Variants in REV3L observed in about 807,000 individuals in gnomAD.
REV3L encodes REV3 like, DNA directed polymerase zeta catalytic subunit.
In REV3L, 69 loss-of-function variants were observed where a neutral mutation model predicts 299.4. That is an observed-to-expected ratio of 0.23 (90% CI 0.19 to 0.28). REV3L has a LOEUF of 0.28. REV3L is among the 10% of genes least tolerant of loss of function. REV3L has a pLI of 1.00. For synonymous variants in REV3L, 1,238 were observed against 1,271.4 expected, an observed-to-expected ratio of 0.97 and a Z score of 0.56; for missense variants, 3,128 against 3,693.8, an observed-to-expected ratio of 0.85 and a Z score of 3.97.
Position 111,375,021 on chromosome 6 carries a change from A to C in REV3L, c.3334T>G (p.Phe1112Val). 1.2e-6 allele frequency: 2 copies of C among 1,613,724 alleles called. No individual in the cohort carries two copies. The highest frequency in any genetic ancestry group is 1.7e-6 in the Non-Finnish European group (2 of 1,179,866). ...NYSDVMSKLG[F>V]LSERSTSPIN... ...GGACTTGTGCTTCTCTCAGAAAGAA[A>C]ACCTAGTTTAGACATAACATCACTA... The change falls in exon 13 of 32, where the codon TTT becomes GTT. Residue 1112 changes from phenylalanine (F) to valine (V), a missense_variant. Physicochemically the swap from Phe to Val is conservative, Grantham distance 50. Around this residue, in one of 9 missense-constraint regions of REV3L, gnomAD observed 2,409 missense variants for 2,611.8 expected, o/e 0.92. Coordinates refer to ENST00000368802, the MANE Select transcript of REV3L (RefSeq NM_001372078.1).
intron 31 of REV3L, among the ~76,000 whole-genome samples, chr6:111,303,187 TG>T (rs1262991618): frequency 6.9e-6 from 1 of 144,102 alleles, no homozygotes; most frequent in African/African-American, 2.6e-5. Flanking sequence ...TTTTTTGAGA[TG>T]AGAGAGAGCG....
At chr6:111,399,950 T>G (rs1782921608) in intron 4 of REV3L, among the ~76,000 whole-genome samples, 1 of 152,190 alleles carries the variant, frequency 6.6e-6, no homozygotes, top group African/African-American at 2.4e-5. Context: ...CCCTAACAAC[T>G]AATAGTCCAT....
chr6:111,418,028 G>A (rs1002765702), intron 1 of REV3L, among the ~76,000 whole-genome samples: 2 of 152,112 alleles, frequency 1.3e-5, no homozygotes, highest in African/African-American at 4.8e-5. Flanking sequence ...AGTCTTAATA[G>A]ATTTAATCAA....
rs398066168 is a variant in REV3L, at chr6:111,314,849, CT to C, written c.8466+417del. Among the ~76,000 whole-genome samples, 845 of 132,548 alleles carry C rather than the reference CT, an allele frequency of 6.4e-3. 4 individuals carry two copies. The highest frequency in any genetic ancestry group is 8.2e-3 in the Admixed American group (105 of 12,882). The allele number at this position is 132,548 out of a possible 152,430, so 87.0% of individuals were successfully genotyped here. A position where few individuals can be genotyped will look rare whatever the true frequency, so the allele number is the denominator to read the frequency against. On this transcript the variant is annotated intron_variant, in intron 27 of 31. Coordinates refer to ENST00000368802, the MANE Select transcript of REV3L (RefSeq NM_001372078.1). ...ATACAAAAGAGAAAATATTTAAATA[CT>C]TTTTTTTTTTTTTTTTTTAGAGACA... is the stretch of plus-strand genomic sequence containing the variant.
At chr6:111,483,288 G>A (rs1554257009), upstream of REV3L, 1 of 487,804 alleles carries the variant, frequency 2.0e-6, no homozygotes. Flanking sequence ...TAGTGCGGGG[G>A]AGGGGGCTCG....
intron 1 of REV3L, chr6:111,430,231 A>C: frequency 1.2e-6 from 1 of 844,382 alleles, no homozygotes; most frequent in Non-Finnish European, 2.1e-6. Flanking sequence ...CAGATACCCC[A>C]CCCCTTCAAG....
chr6:111,385,253 T>C (rs190677411), intron 9 of REV3L, among the ~76,000 whole-genome samples: 150 of 152,144 alleles, frequency 9.9e-4, no homozygotes, highest in African/African-American at 3.5e-3. Flanking sequence ...AAAAGTATAA[T>C]TGGAATGTTT....
At chr6:111,391,194 T>C (rs1781894578) in intron 5 of REV3L, among the ~76,000 whole-genome samples, 1 of 151,858 alleles carries the variant, frequency 6.6e-6, no homozygotes, top group East Asian at 1.9e-4. Flanking sequence ...GCTTCCCAAG[T>C]AACTGGGATT....
intron 23 of REV3L, 54 bp downstream of exon 23, chr6:111,333,056 AAGTGTCTAATTTT>A: frequency 1.3e-6 from 2 of 1,555,350 alleles, no homozygotes; most frequent in Non-Finnish European, 1.7e-6. Flanking sequence ...GACACTCAGA[AAGTGTCTAATTTT>A]AGTAAGAAGT....
At chr6:111,314,116 C>G (rs1363748866) in intron 27 of REV3L, among the ~76,000 whole-genome samples, 1 of 152,182 alleles carries the variant, frequency 6.6e-6, no homozygotes, top group South Asian at 2.1e-4. Flanking sequence ...AGGACTGTGT[C>G]TTATGCTTCT....
chr6:111,315,207 A>G (rs1773391933), intron 27 of REV3L, 60 bp downstream of exon 27: 2 of 1,289,110 alleles, frequency 1.6e-6, no homozygotes, highest in Admixed American at 1.9e-5. Flanking sequence ...TGAACAAATC[A>G]GAGGTCTCTA....
chr6:111,384,287 C>T (rs1781118865), intron 9 of REV3L, among the ~76,000 whole-genome samples: 1 of 152,014 alleles, frequency 6.6e-6, no homozygotes, highest in Non-Finnish European at 1.5e-5. Flanking sequence ...AGCTTCTGCA[C>T]AGCAAAGGAA....
chr6:111,383,749 G>GA lies in REV3L; in HGVS notation c.1097-2306dup, dbSNP rs528615306. On this transcript the variant is annotated intron_variant, in intron 9 of 31. Coordinates refer to ENST00000368802, the MANE Select transcript of REV3L (RefSeq NM_001372078.1). ...ACCAATGATATTCTTCACAGAAACA[G>GA]AAAAAAAAAATCCTAAAATTTATAA... Among the ~76,000 whole-genome samples, 103 of 147,998 alleles carry GA rather than the reference G, an allele frequency of 7.0e-4. 1 individual carries two copies. In the South Asian group the frequency reaches 0.016, roughly 23 times the overall value.
chr6:111,394,658 G>C (rs1279140765), intron 4 of REV3L, among the ~76,000 whole-genome samples: 3 of 151,046 alleles, frequency 2.0e-5, no homozygotes, highest in Non-Finnish European at 4.4e-5. Context: ...TGAAGTCTTA[G>C]CCATAAAATT....
At chr6:111,411,918 A>G (rs1784289208) in intron 2 of REV3L, 1 of 926,080 alleles carries the variant, frequency 1.1e-6, no homozygotes, top group Non-Finnish European at 1.3e-6. Context: ...CACATATAAG[A>G]AAACATATTT....
intron 31 of REV3L, among the ~76,000 whole-genome samples, chr6:111,306,383 AG>A (rs1772300917): frequency 6.6e-6 from 1 of 152,166 alleles, no homozygotes; most frequent in African/African-American, 2.4e-5. Flanking sequence ...GTGACAGAGA[AG>A]AGCAAGAAAT....
At chr6:111,321,694 G>C (rs142800899) in intron 26 of REV3L, among the ~76,000 whole-genome samples, 197 of 152,202 alleles carry the variant, frequency 1.3e-3, no homozygotes, top group African/African-American at 4.5e-3. Context: ...TAAAGAACTG[G>C]ATAAGATTAA....
rs1779348337 is a variant in REV3L at position 111,367,537 on chromosome 6, C to T, written c.6251G>A (p.Cys2084Tyr). 4.3e-6 allele frequency: 7 copies of T among 1,612,950 alleles called. No individual in the cohort carries two copies. Among genetic ancestry groups the T allele is most frequent in the Middle Eastern group, 1.7e-4 (1 of 6,058 alleles). The change falls in exon 14 of 32, where the codon TGT becomes TAT. Residue 2084 changes from cysteine (C) to tyrosine (Y), a missense_variant. By Grantham distance (194) the Cys-to-Tyr change is radical. Coordinates refer to ENST00000368802, the MANE Select transcript of REV3L (RefSeq NM_001372078.1). ...QIALQAPTTG[C>Y]SQTASESQML... is the part of the protein sequence containing the mutation. ...CTGACTTTCACTTGCAGTTTGACTA[C>T]ATCCCGTGGTTGGTGCTTGTAAAGC...
At chr6:111,320,370 A>G (rs1293906083) in intron 26 of REV3L, among the ~76,000 whole-genome samples, 1 of 151,832 alleles carries the variant, frequency 6.6e-6, no homozygotes, top group Non-Finnish European at 1.5e-5. Context: ...CCAGCCAGGA[A>G]CTCTTTTTCA....
Sources: allele counts gnomAD v4.1 joint callset (sites outside exome capture counted in the v4.1 genomes callset), GRCh38; gene constraint gnomAD v4.1.1; regional missense constraint gnomAD v4.1.1; transcripts MANE v1.5; gene names NCBI Gene and HGNC (gene_info 2026-07-23, HGNC 2026-07-21).